Variants in CEP135 observed in about 807,000 individuals in gnomAD.
The protein encoded by CEP135 is centrosomal protein 135.
In CEP135, 142 loss-of-function variants were observed where a neutral mutation model predicts 157.3. The ratio of observed to expected loss-of-function variants is 0.90; its 90% CI spans 0.79 to 1.04. The LOEUF (loss-of-function observed/expected upper bound fraction) is 1.04. Among genes scored for constraint, CEP135 ranks in the 50% least tolerant of loss-of-function variants. CEP135 has a pLI of 0.00. For missense variants in CEP135, 1,317 were observed against 1,309.2 expected (o/e 1.01, Z -0.09); for synonymous variants, 396 against 439.8 (o/e 0.90, Z 1.25).
At chr4:55,949,799 TC>T (rs1426339192) in intron 1 of CEP135, among the ~76,000 whole-genome samples, 1 of 152,216 alleles carries the variant, frequency 6.6e-6, no homozygotes, top group African/African-American at 2.4e-5. Context: ...AGACAACAGT[TC>T]ATGGGTGGGG....
At chr4:55,985,646 C>T (rs993037876) in intron 14 of CEP135, among the ~76,000 whole-genome samples, 2 of 151,918 alleles carry the variant, frequency 1.3e-5, no homozygotes, top group Admixed American at 6.6e-5. Context: ...TTAGTAGAGA[C>T]GGGGTTTCAC....
intron 14 of CEP135, among the ~76,000 whole-genome samples, chr4:55,985,602 G>C (rs1391142343): frequency 2.6e-5 from 4 of 151,886 alleles, no homozygotes; most frequent in Admixed American, 2.6e-4. Context: ...CTACAGTTGC[G>C]TGCCACCATG....
In CEP135 at chr4:55,974,970, G is replaced by A. The variant is rs1085307120; in HGVS notation, c.1473+1G>A. 6.3e-7 allele frequency: 1 copy of A among 1,586,548 alleles called. No homozygotes were observed. Among genetic ancestry groups the A allele is most frequent in the Non-Finnish European group, 8.6e-7 (1 of 1,163,638 alleles). On this transcript the variant is annotated splice_donor_variant, in intron 11 of 25. Transcript: ENST00000257287. LOFTEE classifies it high-confidence loss of function. The stretch of plus-strand genomic sequence containing the variant: ...TTCAATATTTAGAACACCAGAAAAG[G>A]TAATGTCCCTTTATAAGAGTAGGCC...
chr4:56,020,100 T>G (rs1730923938), intron 23 of CEP135, among the ~76,000 whole-genome samples: 1 of 151,992 alleles, frequency 6.6e-6, no homozygotes, highest in Non-Finnish European at 1.5e-5. Flanking sequence ...CGCCTACAGT[T>G]GAGGAATGGA....
At chr4:56,004,683 CTT>C (rs1479741149) in intron 17 of CEP135, among the ~76,000 whole-genome samples, 1 of 152,072 alleles carries the variant, frequency 6.6e-6, no homozygotes, top group Non-Finnish European at 1.5e-5. Flanking sequence ...TCTTTATAGT[CTT>C]TGACTTGTAG....
chr4:56,003,862 A>G (rs1480319207), intron 17 of CEP135, among the ~76,000 whole-genome samples: 1 of 152,040 alleles, frequency 6.6e-6, no homozygotes, highest in Non-Finnish European at 1.5e-5. Flanking sequence ...CTGGTACTAC[A>G]GACGTGTACT....
intron 5 of CEP135, among the ~76,000 whole-genome samples, chr4:55,958,818 T>A (rs926585129): frequency 5.3e-5 from 8 of 152,160 alleles, no homozygotes; most frequent in Non-Finnish European, 7.3e-5. Context: ...GCACTGTGGT[T>A]CACGCCTGTA....
rs1728531247 is a variant in CEP135, at chr4:55,957,073, G to A, written c.473-150G>A. The A allele has an allele frequency of 6.5e-6, 5 of 766,940 alleles. No homozygotes were observed. In the South Asian group the frequency reaches 9.4e-5, roughly 14 times the overall value. 47.5% of individuals were successfully genotyped at this position (766,940 alleles called of 1,614,324 possible). A position where few individuals can be genotyped will look rare whatever the true frequency, so the allele number is the denominator to read the frequency against. ...GCATTGTTTAGTTAAAGATCAGGGT[G>A]GATATTTATATATTGATGGAGAAAA... is the stretch of plus-strand genomic sequence containing the variant. On this transcript the variant is annotated intron_variant, in intron 4 of 25. Coordinates refer to ENST00000257287, the MANE Select transcript of CEP135 (RefSeq NM_025009.5).
chr4:55,960,925 C>CAAAAA (rs60103294), intron 6 of CEP135: 1 of 38,582 alleles, frequency 2.6e-5, no homozygotes, highest in Non-Finnish European at 4.7e-5. Flanking sequence ...GACTCCGTCT[C>CAAAAA]AAAAAAAAAA....
chr4:56,024,299 C>A (rs1731077895), intron 24 of CEP135, among the ~76,000 whole-genome samples: 1 of 150,112 alleles, frequency 6.7e-6, no homozygotes, highest in Non-Finnish European at 1.5e-5. Context: ...GCAAGATGCT[C>A]CTCACTATAT....
At position 56,011,498 on chromosome 4, in the gene CEP135, A is replaced by G; in HGVS notation, c.2592A>G (p.Arg864=). ...ATAAATACATAACAGAGGTGTCACGATGGGAGAGCTTAATGGCTGCCAAGG... is the reference window on the plus strand; with the variant it reads ...ATAAATACATAACAGAGGTGTCACGGTGGGAGAGCTTAATGGCTGCCAAGG... ...RVHKYITEVS[R]WESLMAAKEK... Residue 864 remains arginine, a synonymous_variant, in exon 20 of 26, where the codon CGA becomes CGG. Transcript: ENST00000257287. 2 of 1,610,030 alleles carry G rather than the reference A, an allele frequency of 1.2e-6. No homozygotes were observed. Among genetic ancestry groups the G allele is most frequent in the South Asian group, 2.2e-5 (2 of 89,566 alleles).
intron 20 of CEP135, 36 bp downstream of exon 20, chr4:56,011,558 G>GTTTT: frequency 3.1e-6 from 4 of 1,301,980 alleles, no homozygotes; most frequent in Non-Finnish European, 3.2e-6. Context: ...TTAAGACTGA[G>GTTTT]GTTTTTTTTT....
chr4:55,973,058 A>G (rs981744216), intron 10 of CEP135, among the ~76,000 whole-genome samples: 2 of 152,026 alleles, frequency 1.3e-5, no homozygotes, highest in African/African-American at 4.8e-5. Context: ...TTTCTTTTTG[A>G]TAGCTATGTG....
chr4:56,009,943 T>G (rs1416644420), intron 19 of CEP135, 40 bp downstream of exon 19: 1 of 1,556,270 alleles, frequency 6.4e-7, no homozygotes, highest in Non-Finnish European at 8.7e-7. Flanking sequence ...TTTTATACTT[T>G]CCATTGTTTG....
chr4:55,957,258 C>T lies in CEP135; in HGVS notation c.508C>T (p.Arg170Cys), dbSNP rs971759733. 4 of 1,614,070 alleles carry T rather than the reference C, an allele frequency of 2.5e-6. No individual in the cohort carries two copies. The highest frequency in any genetic ancestry group is 4.5e-5 in the East Asian group (2 of 44,876). Residue 170 changes from arginine (R) to cysteine (C), a missense_variant, in exon 5 of 26, where the codon CGT becomes TGT. Transcript: ENST00000257287. ...KKRSIAFRRQ[R>C]MQIDEPVPPS... ...AAGAAGTATTGCTTTCAGGCGCCAG[C>T]GTATGCAAATTGATGAACCGGTTCC...
chr4:56,002,208 T>C (rs1282355319), intron 17 of CEP135, among the ~76,000 whole-genome samples: 1 of 152,092 alleles, frequency 6.6e-6, no homozygotes, highest in Non-Finnish European at 1.5e-5. Context: ...ATTTGACTTC[T>C]TCTTTTCAAT....
chr4:55,993,321 G>T (rs1349157428), intron 15 of CEP135, among the ~76,000 whole-genome samples: 3 of 152,182 alleles, frequency 2.0e-5, no homozygotes. Flanking sequence ...ATTAGGAAAA[G>T]AAAAGTCTGA....
intron 8 of CEP135, among the ~76,000 whole-genome samples, chr4:55,968,428 C>A (rs1728912215): frequency 6.8e-6 from 1 of 146,242 alleles, no homozygotes; most frequent in Non-Finnish European, 1.5e-5. Context: ...CATATGGAAT[C>A]TCCAAGGACC....
At chr4:56,001,411 T>C (rs756587185) in intron 17 of CEP135, among the ~76,000 whole-genome samples, 25 of 152,212 alleles carry the variant, frequency 1.6e-4, no homozygotes, top group Non-Finnish European at 3.2e-4. Flanking sequence ...GAGTCTTTAA[T>C]CCACTTTGAT....
Sources: gnomAD v4.1 joint callset for allele counts (sites outside exome capture counted in the v4.1 genomes callset) on GRCh38, gnomAD v4.1.1 for gene constraint, MANE v1.5 for transcripts, NCBI Gene and HGNC (gene_info 2026-07-23, HGNC 2026-07-21) for gene names.